The following NEGR1 variants were observed in gnomAD, a reference collection of about 807,000 sequenced individuals.
The protein encoded by NEGR1 is neuronal growth regulator 1, also known as IgLON family member 4.
In NEGR1, 10 loss-of-function variants were observed where a neutral mutation model predicts 40.9. The ratio of observed to expected loss-of-function variants is 0.24; its 90% CI spans 0.15 to 0.42. The LOEUF (loss-of-function observed/expected upper bound fraction) is 0.42. Among genes scored for constraint, NEGR1 ranks in the 10% least tolerant of loss-of-function variants. NEGR1 has a pLI of 1.00. For synonymous variants in NEGR1, 185 were observed against 166.8 expected (o/e 1.11, Z -0.84); for missense variants, 352 against 438.9 (o/e 0.80, Z 1.77).
intron 2 of NEGR1, among the ~76,000 whole-genome samples, chr1:71,902,919 T>G (rs1393983315): frequency 1.3e-5 from 2 of 152,062 alleles, no homozygotes; most frequent in East Asian, 3.8e-4. Context: ...TTATTAATTA[T>G]GTTTTCATAT....
At chr1:71,606,699 G>T (rs955565981) in intron 5 of NEGR1, among the ~76,000 whole-genome samples, 4 of 151,652 alleles carry the variant, frequency 2.6e-5, no homozygotes, top group Non-Finnish European at 4.4e-5. Context: ...ATTTCACAGA[G>T]GTCTGAACAG....
In NEGR1 at chr1:71,407,693, G is replaced by T; in HGVS notation, c.941-123C>A. 2 of 828,780 alleles carry T rather than the reference G, an allele frequency of 2.4e-6. 1 individual carries two copies. Among genetic ancestry groups the T allele is most frequent in the South Asian group, 3.5e-5 (2 of 56,350 alleles). 51.3% of individuals were successfully genotyped at this position (828,780 alleles called of 1,614,324 possible). On this transcript the variant is annotated intron_variant, in intron 6 of 6. Transcript: ENST00000357731. ...TGACATTGGAGTCAGACAGACTGAA[G>T]TTCATATCTGATTCTGCTATATGAC...
At chr1:71,835,081 T>A (rs748458250) in intron 2 of NEGR1, among the ~76,000 whole-genome samples, 36 of 152,126 alleles carry the variant, frequency 2.4e-4, no homozygotes, top group Non-Finnish European at 4.0e-4. Flanking sequence ...CTCACATGAC[T>A]GACAGTTGGC....
chr1:72,080,768 G>A (rs932138400), intron 1 of NEGR1, among the ~76,000 whole-genome samples: 1 of 152,078 alleles, frequency 6.6e-6, no homozygotes, highest in African/African-American at 2.4e-5. Context: ...TCAATGAGAT[G>A]AAGGCATGCA....
At chr1:71,711,541 A>C (rs1461390728) in intron 3 of NEGR1, among the ~76,000 whole-genome samples, 2 of 151,808 alleles carry the variant, frequency 1.3e-5, no homozygotes, top group Admixed American at 1.3e-4. Context: ...ATTCTCCTAC[A>C]CTGCTGGTGT....
chr1:71,974,769 T>C (rs1181989509), intron 1 of NEGR1, among the ~76,000 whole-genome samples: 1 of 152,180 alleles, frequency 6.6e-6, no homozygotes, highest in Non-Finnish European at 1.5e-5. Flanking sequence ...GCAACTCTTG[T>C]CTATTCCATA....
chr1:71,896,715 T>G (rs1199032026), intron 2 of NEGR1, among the ~76,000 whole-genome samples: 1 of 152,196 alleles, frequency 6.6e-6, no homozygotes, highest in Non-Finnish European at 1.5e-5. Flanking sequence ...GAGTTAATAT[T>G]TTTGTATATG....
intron 1 of NEGR1, among the ~76,000 whole-genome samples, chr1:72,281,097 G>C (rs543656289): frequency 1.3e-5 from 2 of 152,288 alleles, no homozygotes; most frequent in African/African-American, 2.4e-5. Flanking sequence ...ATCAGGGTAT[G>C]GATGTTTATT....
intron 1 of NEGR1, among the ~76,000 whole-genome samples, chr1:72,095,976 T>C (rs1420338627): frequency 6.6e-6 from 1 of 152,004 alleles, no homozygotes; most frequent in Non-Finnish European, 1.5e-5. Flanking sequence ...AAATATTTCC[T>C]TTTTTTTAAG....
intron 1 of NEGR1, among the ~76,000 whole-genome samples, chr1:72,138,782 T>A (rs1162197764): frequency 6.6e-6 from 1 of 152,014 alleles, no homozygotes; most frequent in Non-Finnish European, 1.5e-5. Context: ...GTTGGAGATT[T>A]AAATATCCAT....
intron 2 of NEGR1, among the ~76,000 whole-genome samples, chr1:71,911,281 T>C (rs899261088): frequency 2.0e-5 from 3 of 152,198 alleles, no homozygotes; most frequent in African/African-American, 7.2e-5. Flanking sequence ...GTAAGAGTTT[T>C]ATAATATGAT....
At chr1:71,672,593 A>G (rs1652472210) in intron 4 of NEGR1, among the ~76,000 whole-genome samples, 2 of 152,166 alleles carry the variant, frequency 1.3e-5, no homozygotes, top group African/African-American at 4.8e-5. Context: ...TCTCCAAAAT[A>G]TCTCAAAGTC....
At chr1:71,687,399 C>A (rs1653074463) in intron 4 of NEGR1, among the ~76,000 whole-genome samples, 1 of 152,160 alleles carries the variant, frequency 6.6e-6, no homozygotes, top group Non-Finnish European at 1.5e-5. Context: ...GCCCCTGGCA[C>A]AGTGGGCATT....
At chr1:72,039,823 G>A (rs1646936425) in intron 1 of NEGR1, among the ~76,000 whole-genome samples, 2 of 152,026 alleles carry the variant, frequency 1.3e-5, no homozygotes, top group Admixed American at 6.6e-5. Flanking sequence ...ATGATCAGAG[G>A]GGTCTAAAGA....
intron 1 of NEGR1, among the ~76,000 whole-genome samples, chr1:72,078,021 A>G (rs1647824973): frequency 1.3e-5 from 2 of 152,332 alleles, no homozygotes; most frequent in East Asian, 3.9e-4. Flanking sequence ...ACCCTGCTGA[A>G]AAGATGCATA....
rs775873843 is a variant in NEGR1 at position 72,282,277 on chromosome 1, G to A, written c.176+42C>T. The A allele has an allele frequency of 3.1e-6, 5 of 1,608,184 alleles. No homozygotes were observed. The South Asian group carries it at 4.4e-5, about 14-fold the overall frequency. On this transcript the variant is annotated intron_variant, in intron 1 of 6. Transcript: ENST00000357731. ...AAGAGGGTTCAAAGAGAGACAGAAA[G>A]ATAGACCGAAACAAGTACGAAAAGC...
Position 71,403,560 on chromosome 1 carries a change from G to A in NEGR1, c.*3886C>T, listed in dbSNP as rs913011675. The A allele has an allele frequency of 4.5e-6, 1 of 220,126 alleles. No individual in the cohort carries two copies. The highest frequency in any genetic ancestry group is 8.8e-6 in the Non-Finnish European group (1 of 113,054). The allele number at this position is 220,126 out of a possible 1,614,324, so 13.6% of individuals were successfully genotyped here. A position where few individuals can be genotyped will look rare whatever the true frequency, so the allele number is the denominator to read the frequency against. On this transcript the variant is annotated 3_prime_UTR_variant, in exon 7 of 7. Coordinates refer to ENST00000357731, the MANE Select transcript of NEGR1 (RefSeq NM_173808.3). ...ATCAGCAACAGCAAGAAAGAATATA[G>A]TGTGGAGTCATTTGAAACTGTAGCA... is the stretch of plus-strand genomic sequence containing the variant.
intron 1 of NEGR1, among the ~76,000 whole-genome samples, chr1:72,124,054 C>T (rs1487320561): frequency 6.6e-6 from 1 of 151,998 alleles, no homozygotes; most frequent in Non-Finnish European, 1.5e-5. Flanking sequence ...GGTAATGTTT[C>T]AAGAATTGAA....
chr1:71,960,413 A>G (rs1646155664), intron 1 of NEGR1, among the ~76,000 whole-genome samples: 1 of 152,214 alleles, frequency 6.6e-6, no homozygotes, highest in South Asian at 2.1e-4. Context: ...GTATTTGATA[A>G]TAAAGTCAGG....
Sources: gnomAD v4.1 joint callset for allele counts (sites outside exome capture counted in the v4.1 genomes callset) on GRCh38, gnomAD v4.1.1 for gene constraint, MANE v1.5 for transcripts, NCBI Gene and HGNC (gene_info 2026-07-23, HGNC 2026-07-21) for gene names.